Variants in DPYD observed in about 807,000 individuals in gnomAD.
DPYD encodes the protein dihydropyrimidine dehydrogenase [NADP(+)].
Under a neutral mutation model 116.2 loss-of-function variants are expected in DPYD, and 109 were observed. The observed-to-expected ratio is 0.94, with a 90% CI of 0.80 to 1.10. The LOEUF (loss-of-function observed/expected upper bound fraction) is 1.10. DPYD is among the 50% of genes least tolerant of loss of function. The pLI, the probability that DPYD is intolerant of heterozygous loss-of-function variation, is 0.00. For missense variants in DPYD, 1,302 were observed against 1,254.5 expected, an observed-to-expected ratio of 1.04 and a Z score of -0.57; for synonymous variants, 440 against 432.0, an observed-to-expected ratio of 1.02 and a Z score of -0.23.
At chr1:97,270,064 C>T (rs1463100550) in intron 18 of DPYD, among the ~76,000 whole-genome samples, 1 of 152,140 alleles carries the variant, frequency 6.6e-6, no homozygotes, top group African/African-American at 2.4e-5. Context: ...GTTATAAGCA[C>T]CACGAAGGCC....
intron 8 of DPYD, among the ~76,000 whole-genome samples, chr1:97,612,691 T>C (rs1034939482): frequency 6.6e-6 from 1 of 152,056 alleles, no homozygotes; most frequent in Admixed American, 6.6e-5. Context: ...TTGGCTTTAA[T>C]ATATCTTTAA....
At chr1:97,100,977 A>T (rs1650639762) in intron 20 of DPYD, among the ~76,000 whole-genome samples, 1 of 152,076 alleles carries the variant, frequency 6.6e-6, no homozygotes, top group South Asian at 2.1e-4. Context: ...TTGGTTTTAT[A>T]ATTAGTCCTA....
In DPYD at chr1:97,213,599, C is replaced by T. The variant is rs953853146; in HGVS notation, c.2443-20351G>A. On this transcript the variant is annotated intron_variant, in intron 19 of 22. Transcript: ENST00000370192. ...CTTCTAAATGGTCAGATTGACCTGC[C>T]AGACTACTTCAGTCAAATACGGGAC... Among the ~76,000 whole-genome samples, 11 of 152,114 alleles carry T rather than the reference C, an allele frequency of 7.2e-5. 1 individual carries two copies. The highest frequency in any genetic ancestry group is 1.6e-4 in the Non-Finnish European group (11 of 68,026).
intron 3 of DPYD, among the ~76,000 whole-genome samples, chr1:97,791,137 T>A (rs1468908424): frequency 1.1e-4 from 17 of 152,222 alleles, no homozygotes; most frequent in Non-Finnish European, 2.9e-5. Context: ...ATGATTCACA[T>A]TTTTAAGAAA....
At chr1:97,191,484 T>TA (rs542234325) in intron 20 of DPYD, among the ~76,000 whole-genome samples, 254 of 152,296 alleles carry the variant, frequency 1.7e-3, no homozygotes, top group African/African-American at 5.8e-3. Flanking sequence ...AAATTACACT[T>TA]ACGATTTTGA....
At chr1:97,724,356 GTGTGTGTGTA>G (rs1663114632) in intron 4 of DPYD, among the ~76,000 whole-genome samples, 61 of 114,582 alleles carry the variant, frequency 5.3e-4, no homozygotes, top group African/African-American at 1.7e-3. Flanking sequence ...GTGTGTGTGT[GTGTGTGTGTA>G]TGAGATTTAT....
At chr1:97,277,046 G>A (rs1267421227) in intron 18 of DPYD, among the ~76,000 whole-genome samples, 1 of 152,132 alleles carries the variant, frequency 6.6e-6, no homozygotes, top group East Asian at 1.9e-4. Context: ...ATAAGATCAT[G>A]TCTTTTGAAG....
At chr1:97,243,749 A>G (rs1018122662) in intron 18 of DPYD, among the ~76,000 whole-genome samples, 1 of 152,016 alleles carries the variant, frequency 6.6e-6, no homozygotes, top group Non-Finnish European at 1.5e-5. Context: ...TAGTAATTGT[A>G]TAACTAGAGT....
intron 16 of DPYD, among the ~76,000 whole-genome samples, chr1:97,312,051 A>G (rs1667551855): frequency 6.6e-6 from 1 of 151,752 alleles, no homozygotes; most frequent in Admixed American, 6.6e-5. Flanking sequence ...TGTGCACATT[A>G]TGAGTTGTTA....
chr1:97,412,395 G>A (rs1674054559), intron 14 of DPYD, among the ~76,000 whole-genome samples: 1 of 152,112 alleles, frequency 6.6e-6, no homozygotes. Flanking sequence ...TAAGGGGTTT[G>A]TTTTGCAATC....
intron 8 of DPYD, among the ~76,000 whole-genome samples, chr1:97,611,693 C>T (rs1024599531): frequency 9.9e-5 from 15 of 151,976 alleles, no homozygotes; most frequent in African/African-American, 3.6e-4. Flanking sequence ...AAGTTTGAGT[C>T]CTGACTCTGC....
intron 16 of DPYD, among the ~76,000 whole-genome samples, chr1:97,333,517 A>ATTTTTT (rs778577478): frequency 4.1e-5 from 4 of 97,050 alleles, no homozygotes; most frequent in Admixed American, 1.3e-4. Flanking sequence ...AAGTCTTAGG[A>ATTTTTT]TTTTTTTTTT....
chr1:97,603,372 A>T (rs1477915915), intron 8 of DPYD, among the ~76,000 whole-genome samples: 1 of 152,114 alleles, frequency 6.6e-6, no homozygotes, highest in African/African-American at 2.4e-5. Flanking sequence ...TGAGGCAGTA[A>T]TCTCAACAGC....
intron 3 of DPYD, among the ~76,000 whole-genome samples, chr1:97,795,524 A>T (rs1361580547): frequency 1.3e-5 from 2 of 152,064 alleles, no homozygotes; most frequent in Non-Finnish European, 2.9e-5. Context: ...GAGACTAAAG[A>T]TCATAATGCA....
At chr1:97,123,675 C>CAT (rs1433199568) in intron 20 of DPYD, among the ~76,000 whole-genome samples, 1 of 152,100 alleles carries the variant, frequency 6.6e-6, no homozygotes, top group Non-Finnish European at 1.5e-5. Flanking sequence ...TACATGGACA[C>CAT]ATATATATGA....
chr1:97,441,612 C>T (rs921440718), intron 14 of DPYD, among the ~76,000 whole-genome samples: 4 of 152,118 alleles, frequency 2.6e-5, no homozygotes, highest in African/African-American at 9.7e-5. Flanking sequence ...ATAATTATAA[C>T]AGCTTTATTG....
intron 19 of DPYD, among the ~76,000 whole-genome samples, chr1:97,232,532 T>TA (rs1661651038): frequency 6.6e-6 from 1 of 152,158 alleles, no homozygotes; most frequent in Non-Finnish European, 1.5e-5. Flanking sequence ...ACATTAGTGT[T>TA]ACATCTTTTG....
At chr1:97,886,877 C>G (rs1222860602) in intron 1 of DPYD, among the ~76,000 whole-genome samples, 1 of 151,802 alleles carries the variant, frequency 6.6e-6, no homozygotes, top group African/African-American at 2.4e-5. Flanking sequence ...CCTGGAGTTA[C>G]AAAAAACCTC....
intron 14 of DPYD, among the ~76,000 whole-genome samples, chr1:97,432,815 G>A (rs148132974): frequency 2.0e-5 from 3 of 152,244 alleles, no homozygotes; most frequent in Non-Finnish European, 2.9e-5. Context: ...GGGTTGTGCC[G>A]CTGCTTTAGT....
Sources: allele counts gnomAD v4.1 joint callset (sites outside exome capture counted in the v4.1 genomes callset), GRCh38; gene constraint gnomAD v4.1.1; transcripts MANE v1.5; gene names NCBI Gene and HGNC (gene_info 2026-07-23, HGNC 2026-07-21).